KIF26B: variants seen among roughly 807,000 people sequenced by gnomAD.
The protein encoded by KIF26B is kinesin-like protein KIF26B.
In KIF26B, 63 loss-of-function variants were observed where a neutral mutation model predicts 151.2. The ratio of observed to expected loss-of-function variants is 0.42; its 90% CI spans 0.34 to 0.51. The LOEUF (loss-of-function observed/expected upper bound fraction) is 0.51. Among genes scored for constraint, KIF26B ranks in the 20% least tolerant of loss-of-function variants. The probability of loss-of-function intolerance (pLI) is 0.07; values close to 1 mark genes in which losing one functional copy is unlikely to be tolerated. For missense variants in KIF26B, 2,813 were observed against 2,913.6 expected (o/e 0.97, Z 0.79); for synonymous variants, 1,357 against 1,262.1 (o/e 1.08, Z -1.59).
At chr1:245,502,837 A>G (rs1251009804) in intron 4 of KIF26B, among the ~76,000 whole-genome samples, 1 of 151,568 alleles carries the variant, frequency 6.6e-6, no homozygotes, top group African/African-American at 2.4e-5. Context: ...TTCTGTATTA[A>G]TTGGAAAAGA....
Position 245,495,732 on chromosome 1 carries a change from A to C in KIF26B, c.1167-45035A>C, listed in dbSNP as rs796476203. 2.0e-5 allele frequency among the ~76,000 whole-genome samples: 3 copies of C among 152,190 alleles called. No individual in the cohort carries two copies. The South Asian group carries it at 6.2e-4, about 32-fold the overall frequency. On this transcript the variant is annotated intron_variant, in intron 4 of 14. Transcript: ENST00000407071. The surrounding 1 kb of genome is among the most constrained non-coding windows in gnomAD (Gnocchi z 4.2). ...GATTTAAGAAGCCCTGGCTTGCCCC[A>C]ACCAGGATATACACAGAGAAAACCA...
At chr1:245,673,025 C>T (rs1460555291) in intron 10 of KIF26B, among the ~76,000 whole-genome samples, 3 of 151,942 alleles carry the variant, frequency 2.0e-5, no homozygotes, top group Non-Finnish European at 4.4e-5. Context: ...GTCCCCACGG[C>T]GCGCTGCCAT....
chr1:245,699,048 G>A lies in KIF26B; in HGVS notation c.6178+11G>A, dbSNP rs371123298. On this transcript the variant is annotated intron_variant, in intron 14 of 14. Transcript: ENST00000407071. ...AGTGGCTCAGTGAATGTAAGGCCGG[G>A]GTGCCTTCCCACCCTTGTGACTAGT... 6.2e-7 allele frequency: 1 copy of A among 1,611,828 alleles called. No homozygotes were observed.
Position 245,171,864 on chromosome 1 carries a change from C to CTT in KIF26B, c.465+15182_465+15183dup, listed in dbSNP as rs775045708. Among the ~76,000 whole-genome samples, 4 of 152,264 alleles carry CTT rather than the reference C, an allele frequency of 2.6e-5. No individual in the cohort carries two copies. The Middle Eastern group carries it at 0.01, about 388-fold the overall frequency. On this transcript the variant is annotated intron_variant, in intron 2 of 14. Transcript: ENST00000407071. ...ACCATTTTCCGTGTTGGTTTCCTCG[C>CTT]TTGCACGATGGTGTTAATCATAATA...
intron 4 of KIF26B, among the ~76,000 whole-genome samples, chr1:245,449,084 G>A (rs1659317887): frequency 6.6e-6 from 1 of 152,170 alleles, no homozygotes; most frequent in Non-Finnish European, 1.5e-5. Context: ...TCTGGCCTGC[G>A]AGTTCAGAAT....
At chr1:245,561,635 T>A (rs1472115874) in intron 5 of KIF26B, among the ~76,000 whole-genome samples, 7 of 152,214 alleles carry the variant, frequency 4.6e-5, no homozygotes, top group Non-Finnish European at 1.0e-4. Context: ...GTACATCAAC[T>A]CATTTGCATA....
intron 2 of KIF26B, among the ~76,000 whole-genome samples, chr1:245,341,393 C>T (rs1672332475): frequency 1.4e-5 from 2 of 147,546 alleles, no homozygotes; most frequent in African/African-American, 2.5e-5. Flanking sequence ...CAGTATGGCT[C>T]ACCACAGCCT....
chr1:245,558,240 T>C (rs1662083056), intron 5 of KIF26B, among the ~76,000 whole-genome samples: 1 of 152,176 alleles, frequency 6.6e-6, no homozygotes, highest in Admixed American at 6.5e-5. Context: ...TTCCTTGCTC[T>C]CCATTGCCCT....
At chr1:245,662,302 A>G (rs12741246) in intron 10 of KIF26B, among the ~76,000 whole-genome samples, 45,569 of 148,162 alleles carry the variant, frequency 0.31, 8,627 homozygotes, top group Non-Finnish European at 0.42. Flanking sequence ...ACTCACACAC[A>G]CCCTATATAT....
intron 2 of KIF26B, among the ~76,000 whole-genome samples, chr1:245,203,296 C>T (rs1669339874): frequency 6.6e-6 from 1 of 151,206 alleles, no homozygotes. Flanking sequence ...CTGATTTTGG[C>T]ATCCATAAGA....
At chr1:245,395,588 T>A (rs1303798124) in intron 3 of KIF26B, among the ~76,000 whole-genome samples, 1 of 151,908 alleles carries the variant, frequency 6.6e-6, no homozygotes, top group Non-Finnish European at 1.5e-5. Context: ...TGTGCCAGGG[T>A]GGGAGGATTT....
intron 5 of KIF26B, among the ~76,000 whole-genome samples, chr1:245,585,271 C>G (rs188735157): frequency 6.6e-6 from 1 of 152,146 alleles, no homozygotes; most frequent in Non-Finnish European, 1.5e-5. Context: ...CCTTTGTGTG[C>G]GTATGTGAAA....
chr1:245,573,327 GC>G (rs1336778133), intron 5 of KIF26B, among the ~76,000 whole-genome samples: 1 of 152,126 alleles, frequency 6.6e-6, no homozygotes, highest in Admixed American at 6.5e-5. Context: ...TTTGAGACCA[GC>G]TTGCCCAACA....
At chr1:245,182,867 C>G (rs1001587298) in intron 2 of KIF26B, among the ~76,000 whole-genome samples, 4 of 152,160 alleles carry the variant, frequency 2.6e-5, no homozygotes, top group African/African-American at 9.7e-5. Context: ...GAACCTCTGA[C>G]CCTCGTGATC....
Position 245,486,861 on chromosome 1 carries a change from G to C in KIF26B, c.1167-53906G>C, listed in dbSNP as rs1660292147. On this transcript the variant is annotated intron_variant, in intron 4 of 14. Coordinates refer to ENST00000407071, the MANE Select transcript of KIF26B (RefSeq NM_018012.4). ...AACGTTTCCACTTTTTGCAGAGACA[G>C]GGTCTCGCTGTGTTGCCCAGGCTGT... is the stretch of plus-strand genomic sequence containing the variant. Among the ~76,000 whole-genome samples, 6 of 152,202 alleles carry C rather than the reference G, an allele frequency of 3.9e-5. No homozygotes were observed. The South Asian group carries it at 1.2e-3, about 31-fold the overall frequency.
At chr1:245,683,290 C>T (rs1558268200) in intron 10 of KIF26B, among the ~76,000 whole-genome samples, 3 of 150,996 alleles carry the variant, frequency 2.0e-5, no homozygotes, top group Non-Finnish European at 3.0e-5. Context: ...GAGATATGAG[C>T]ACGCGGCATG....
intron 2 of KIF26B, among the ~76,000 whole-genome samples, chr1:245,273,423 AAAAAAAAAAAAAAAAAAACCCCAAAAAAC>A (rs1246261676): frequency 6.6e-6 from 1 of 151,704 alleles, no homozygotes; most frequent in East Asian, 1.9e-4. Flanking sequence ...TCTCAAAAAA[AAAAAAAAAAAAAAAAAAACCCCAAAAAAC>A]AAAAGTGGGA....
At chr1:245,327,292 A>C (rs1672010467) in intron 2 of KIF26B, among the ~76,000 whole-genome samples, 1 of 152,218 alleles carries the variant, frequency 6.6e-6, no homozygotes, top group Admixed American at 6.5e-5. Flanking sequence ...ATATGAAATG[A>C]AACAGATGTG....
intron 2 of KIF26B, among the ~76,000 whole-genome samples, chr1:245,308,812 T>C (rs1478792528): frequency 6.6e-6 from 1 of 152,016 alleles, no homozygotes; most frequent in East Asian, 1.9e-4. Context: ...TAAGGGAAGA[T>C]GAGGATCAGA....
Sources: allele counts gnomAD v4.1 joint callset (sites outside exome capture counted in the v4.1 genomes callset), GRCh38; gene constraint gnomAD v4.1.1; non-coding constraint Gnocchi (gnomAD v3.1); transcripts MANE v1.5; gene names NCBI Gene and HGNC (gene_info 2026-07-23, HGNC 2026-07-21).